Variants in TPST1 observed in about 807,000 individuals in gnomAD.
The protein encoded by TPST1 is tyrosylprotein sulfotransferase 1, also known as protein-tyrosine sulfotransferase 1.
TPST1 carries 20 observed loss-of-function variants against 34.8 expected under a neutral mutation model. That is an observed-to-expected ratio of 0.57 (90% CI 0.40 to 0.84). The LOEUF is 0.84. Among genes scored for constraint, TPST1 ranks in the 40% least tolerant of loss-of-function variants. TPST1 has a pLI of 0.00. For synonymous variants in TPST1, 152 were observed against 159.4 expected, an observed-to-expected ratio of 0.95 and a Z score of 0.35; for missense variants, 353 against 455.5, an observed-to-expected ratio of 0.78 and a Z score of 2.05.
intron 3 of TPST1, among the ~76,000 whole-genome samples, chr7:66,328,906 A>ATATATATATATATTTT (rs1299138303): frequency 7.6e-5 from 1 of 13,156 alleles, no homozygotes; most frequent in Non-Finnish European, 1.2e-4. Flanking sequence ...ATATATATAT[A>ATATATATATATATTTT]TTTTTTTTTT....
rs149373596 is a variant in TPST1 at position 66,271,330 on chromosome 7, C to T, written c.846-15181C>T. Among the ~76,000 whole-genome samples the T allele has an allele frequency of 1.8e-4, 27 of 152,252 alleles. No homozygotes were observed. The East Asian group carries it at 4.8e-3, about 27-fold the overall frequency. ...ATCAGCTGGGACTACAGGTGCCCGC[C>T]GCCACGCCCGGCTAATTTTTGTATT... On this transcript the variant is annotated intron_variant, in intron 2 of 5. Transcript: ENST00000304842.
At chr7:66,255,214 T>C (rs1017901738) in intron 2 of TPST1, among the ~76,000 whole-genome samples, 7 of 151,450 alleles carry the variant, frequency 4.6e-5, no homozygotes, top group African/African-American at 1.7e-4. Flanking sequence ...CATTTGGCAA[T>C]GTCTGGAGAC....
chr7:66,304,516 C>A (rs1562836111), intron 3 of TPST1, among the ~76,000 whole-genome samples: 1 of 152,212 alleles, frequency 6.6e-6, no homozygotes, highest in Non-Finnish European at 1.5e-5. Flanking sequence ...CTGTCCTAGA[C>A]AACAGTGGTG....
At chr7:66,314,812 T>C (rs1791601213) in intron 3 of TPST1, among the ~76,000 whole-genome samples, 1 of 152,168 alleles carries the variant, frequency 6.6e-6, no homozygotes, top group African/African-American at 2.4e-5. Context: ...TATAAACATA[T>C]CTAAACATAG....
At chr7:66,326,712 C>T (rs917121982) in intron 3 of TPST1, among the ~76,000 whole-genome samples, 1 of 152,180 alleles carries the variant, frequency 6.6e-6, no homozygotes. Context: ...ATTCACATTC[C>T]AATCCATCTT....
intron 3 of TPST1, among the ~76,000 whole-genome samples, chr7:66,312,760 C>T (rs1226786374): frequency 2.6e-5 from 4 of 151,908 alleles, no homozygotes; most frequent in Non-Finnish European, 5.9e-5. Context: ...GGAGAGTATA[C>T]ATTAGATGCT....
intron 3 of TPST1, among the ~76,000 whole-genome samples, chr7:66,311,282 G>A (rs1424055015): frequency 1.3e-5 from 2 of 152,032 alleles, no homozygotes; most frequent in Non-Finnish European, 1.5e-5. Context: ...GAGACCATAG[G>A]CATGCACCAC....
chr7:66,285,693 A>T (rs1791020280), intron 2 of TPST1, among the ~76,000 whole-genome samples: 1 of 152,194 alleles, frequency 6.6e-6, no homozygotes, highest in South Asian at 2.1e-4. Flanking sequence ...TTTTATAGTC[A>T]TTTGGCCAAA....
chr7:66,242,634 A>G (rs1276312319), intron 2 of TPST1, among the ~76,000 whole-genome samples: 1 of 152,152 alleles, frequency 6.6e-6, no homozygotes, highest in African/African-American at 2.4e-5. Flanking sequence ...TTGATTTTTA[A>G]TCACCTGTAT....
At chr7:66,345,116 C>CTTCAAATATTA (rs1792318520) in intron 3 of TPST1, among the ~76,000 whole-genome samples, 1 of 151,956 alleles carries the variant, frequency 6.6e-6, no homozygotes, top group African/African-American at 2.4e-5. Flanking sequence ...AATAGAAGAA[C>CTTCAAATATTA]CATTTGAAGT....
At chr7:66,309,008 C>T (rs745880181) in intron 3 of TPST1, among the ~76,000 whole-genome samples, 2 of 151,716 alleles carry the variant, frequency 1.3e-5, no homozygotes, top group Non-Finnish European at 2.9e-5. Flanking sequence ...AAGCACTTCT[C>T]CTGCTCAGTC....
intron 3 of TPST1, among the ~76,000 whole-genome samples, chr7:66,296,069 CATT>C (rs1791185391): frequency 6.6e-6 from 1 of 152,110 alleles, no homozygotes; most frequent in African/African-American, 2.4e-5. Context: ...AGGCAGTAGA[CATT>C]ATAGTTTTCC....
intron 3 of TPST1, among the ~76,000 whole-genome samples, chr7:66,337,420 A>C (rs780346975): frequency 6.8e-6 from 1 of 148,072 alleles, no homozygotes; most frequent in African/African-American, 2.5e-5. Context: ...AGTGATTCTC[A>C]TGCCTCAGCC....
chr7:66,344,350 G>A (rs1399675386), intron 3 of TPST1: 1 of 152,178 alleles, frequency 6.6e-6, no homozygotes, highest in Non-Finnish European at 1.5e-5. Flanking sequence ...ACAATACCAA[G>A]AAGATTGCAC....
intron 3 of TPST1, among the ~76,000 whole-genome samples, chr7:66,325,486 GT>G (rs977048593): frequency 6.6e-5 from 10 of 151,316 alleles, no homozygotes; most frequent in Non-Finnish European, 8.8e-5. Flanking sequence ...ATTTTTTTAA[GT>G]TTCCCCCCTC....
chr7:66,280,945 C>G (rs935173827), intron 2 of TPST1, among the ~76,000 whole-genome samples: 3 of 152,100 alleles, frequency 2.0e-5, no homozygotes, highest in Non-Finnish European at 4.4e-5. Flanking sequence ...TCAGCATGTT[C>G]TGGATGTTGG....
chr7:66,325,946 A>T (rs528414478), intron 3 of TPST1, among the ~76,000 whole-genome samples: 40 of 152,262 alleles, frequency 2.6e-4, no homozygotes, highest in African/African-American at 9.1e-4. Context: ...TAATTTTTTT[A>T]AAAAGTAAAA....
chr7:66,356,756 G>T, intron 4 of TPST1, 69 bp from the exon 5 acceptor site: 1 of 1,593,844 alleles, frequency 6.3e-7, no homozygotes, highest in East Asian at 2.2e-5. Context: ...TCATGTTTCA[G>T]TGGGGACGGT....
chr7:66,321,147 A>G (rs1020829240), intron 3 of TPST1, among the ~76,000 whole-genome samples: 2 of 152,256 alleles, frequency 1.3e-5, no homozygotes, highest in African/African-American at 4.8e-5. Flanking sequence ...CAAGAAAGGG[A>G]AAAGGCACAT....
Sources: allele counts gnomAD v4.1 joint callset (sites outside exome capture counted in the v4.1 genomes callset), GRCh38; gene constraint gnomAD v4.1.1; transcripts MANE v1.5; gene names NCBI Gene and HGNC (gene_info 2026-07-23, HGNC 2026-07-21).